RHOXF1: variants seen among roughly 807,000 people sequenced by gnomAD.
The protein encoded by RHOXF1 is PEPP subfamily gene 1.
In RHOXF1, 1 loss-of-function variant was observed where a neutral mutation model predicts 9.7. That is an observed-to-expected ratio of 0.10 (90% CI 0.04 to 0.49). The LOEUF (loss-of-function observed/expected upper bound fraction) is 0.49. Ranked by LOEUF, RHOXF1 falls within the 20% of genes least tolerant of loss-of-function variation. The pLI, the probability that RHOXF1 is intolerant of heterozygous loss-of-function variation, is 0.95. For missense variants in RHOXF1, 179 were observed against 168.0 expected, an observed-to-expected ratio of 1.07 and a Z score of -0.36; for synonymous variants, 72 against 70.2, an observed-to-expected ratio of 1.03 and a Z score of -0.13.
At position 120,109,301 on chromosome X, in the gene RHOXF1, A is replaced by G; in HGVS notation, c.446T>C (p.Val149Ala). Residue 149 changes from valine (V) to alanine (A), a missense_variant and splice_region_variant, in exon 3 of 3, where the codon GTT becomes GCT. Val to Ala is a moderately conservative substitution (Grantham distance 64, BLOSUM62 0). Transcript: ENST00000217999. ...NLGVTEDKVR[V>A]WFKNKRARCR... ...TCTGGCCCTTTTATTCTTAAACCAA[A>G]CCTACAATCAGAGGGAAAAGGGGAT... 1 of 1,121,507 alleles carries G rather than the reference A, an allele frequency of 8.9e-7. No homozygotes were observed. The highest frequency in any genetic ancestry group is 1.2e-6 in the Non-Finnish European group (1 of 817,790). 92.4% of individuals were successfully genotyped at this position (1,121,507 alleles called of 1,213,427 possible).
At chrX:120,111,483 T>C (rs990874973) in intron 2 of RHOXF1, among the ~76,000 whole-genome samples, 16 of 112,321 alleles carry the variant, frequency 1.4e-4, no homozygotes, top group African/African-American at 5.2e-4. Flanking sequence ...TTTTCTTTTT[T>C]GGGAAAACAT....
At chrX:120,114,507 G>A (rs1335828320) in intron 1 of RHOXF1, among the ~76,000 whole-genome samples, 1 of 111,093 alleles carries the variant, frequency 9.0e-6, no homozygotes, top group African/African-American at 3.3e-5. Flanking sequence ...TAGAATGGAA[G>A]GAAATATTTG....
At chrX:120,120,375 T>A (rs781937955), upstream of RHOXF1, 28 of 111,930 alleles carry the variant, frequency 2.5e-4, no homozygotes, top group Non-Finnish European at 5.1e-4. Flanking sequence ...GGATGCAATG[T>A]GCCACTGTCG....
upstream of RHOXF1, among the ~76,000 whole-genome samples, chrX:120,116,978 G>T (rs1556000748): frequency 8.9e-6 from 1 of 111,759 alleles, no homozygotes; most frequent in Non-Finnish European, 1.9e-5. Flanking sequence ...CCAATCTTGG[G>T]ATGGAGATTT....
At chrX:120,112,848 T>C in intron 2 of RHOXF1, 21 bp downstream of exon 2, 1 of 1,162,605 alleles carries the variant, frequency 8.6e-7, no homozygotes, top group Non-Finnish European at 1.2e-6. Context: ...CCTCTCAAAT[T>C]GCTTTTTCAA....
chrX:120,116,323 G>A (rs1379521749), upstream of RHOXF1: 1 of 98,278 alleles, frequency 1.0e-5, no homozygotes, highest in Non-Finnish European at 2.1e-5. Context: ...GGTCGTGGGT[G>A]GGGGTGGCAG....
upstream of RHOXF1, chrX:120,119,470 T>C (rs1243103969): frequency 2.7e-5 from 3 of 111,861 alleles, no homozygotes; most frequent in African/African-American, 9.8e-5. Flanking sequence ...AAAAATTAAA[T>C]TATATTTAAA....
chrX:120,112,707 G>A (rs1263756715), intron 2 of RHOXF1, among the ~76,000 whole-genome samples, 162 bp downstream of exon 2: 13 of 110,205 alleles, frequency 1.2e-4, no homozygotes, highest in African/African-American at 4.0e-4. Flanking sequence ...CTTTTCTACC[G>A]ACAAGGAACC....
In RHOXF1 at chrX:120,109,315, G is replaced by A. The variant is rs1230380346; in HGVS notation, c.445-13C>T. 9.6e-7 allele frequency: 1 copy of A among 1,036,529 alleles called. No homozygotes were observed. The highest frequency in any genetic ancestry group is 1.3e-6 in the Non-Finnish European group (1 of 741,302). The allele number at this position is 1,036,529 out of a possible 1,213,427, so 85.4% of individuals were successfully genotyped here. On this transcript the variant is annotated splice_polypyrimidine_tract_variant and intron_variant, in intron 2 of 2. Transcript: ENST00000217999. ...TCTTAAACCAAACCTACAATCAGAG[G>A]GAAAAGGGGATTGGTTTAGTATATT...
chrX:120,116,976 G>A (rs1805865041), upstream of RHOXF1, among the ~76,000 whole-genome samples: 1 of 111,724 alleles, frequency 9.0e-6, no homozygotes, highest in Admixed American at 9.4e-5. Context: ...CTCCAATCTT[G>A]GGATGGAGAT....
Position 120,115,783 on chromosome X carries a change from A to G in RHOXF1, c.80T>C (p.Leu27Pro), listed in dbSNP as rs782412199. The G allele has an allele frequency of 2.2e-5, 26 of 1,203,716 alleles. No homozygotes were observed. The Admixed American group carries it at 4.4e-4, about 20-fold the overall frequency. ...YQVKISPTPQ[L>P]GAASSAEGHV... ...GCCTTCTGCGCTTGATGCTGCCCCCAGCTGAGGTGTGGGGCTTATTTTTAC... is the reference window on the plus strand; with the variant it reads ...GCCTTCTGCGCTTGATGCTGCCCCCGGCTGAGGTGTGGGGCTTATTTTTAC... The change falls in exon 1 of 3, where the codon CTG becomes CCG. Residue 27 changes from leucine (L) to proline (P), a missense_variant. Leu to Pro is a moderately conservative substitution (Grantham distance 98). Coordinates refer to ENST00000217999, the MANE Select transcript of RHOXF1 (RefSeq NM_139282.3).
chrX:120,109,355 G>T, intron 2 of RHOXF1, 53 bp from the exon 3 acceptor site: 1 of 747,475 alleles, frequency 1.3e-6, no homozygotes, highest in Non-Finnish European at 2.0e-6. Context: ...AGTTAATGTC[G>T]TAATAGAAAA....
Position 120,115,457 on chromosome X carries a change from C to G in RHOXF1, c.398+8G>C. On this transcript the variant is annotated splice_region_variant and intron_variant, in intron 1 of 2. Coordinates refer to ENST00000217999, the MANE Select transcript of RHOXF1 (RefSeq NM_139282.3). ...GAGATCTCGTGGCTCCTGGAGCAGGCCACTTACCTTGTGGGCACATCAGGG... is the reference window on the plus strand; with the variant it reads ...GAGATCTCGTGGCTCCTGGAGCAGGGCACTTACCTTGTGGGCACATCAGGG... 2.3e-5 allele frequency: 25 copies of G among 1,092,449 alleles called. No homozygotes were observed. The highest frequency in any genetic ancestry group is 2.9e-5 in the Non-Finnish European group (24 of 838,599). The allele number at this position is 1,092,449 out of a possible 1,213,427, so 90.0% of individuals were successfully genotyped here.
intron 2 of RHOXF1, among the ~76,000 whole-genome samples, chrX:120,111,792 T>C (rs1254991425): frequency 8.9e-6 from 1 of 112,222 alleles, no homozygotes; most frequent in African/African-American, 3.2e-5. Flanking sequence ...ATGCATAGTA[T>C]GTGCAAAGCC....
chrX:120,115,918 G>C, upstream of RHOXF1: 2 of 1,074,403 alleles, frequency 1.9e-6, no homozygotes, highest in Non-Finnish European at 2.4e-6. Context: ...TGGAGTGGGG[G>C]TTAGAGGGTG....
intron 1 of RHOXF1, 141 bp from the exon 2 acceptor site, chrX:120,113,055 T>G: frequency 2.5e-6 from 1 of 403,219 alleles, no homozygotes; most frequent in Non-Finnish European, 4.2e-6. Flanking sequence ...TTTTCTCTAA[T>G]TCCCAGCTCC....
At chrX:120,109,594 A>ATTTG (rs1555999520) in intron 2 of RHOXF1, among the ~76,000 whole-genome samples, 1 of 107,180 alleles carries the variant, frequency 9.3e-6, no homozygotes, top group Non-Finnish European at 1.9e-5. Flanking sequence ...TTATTTATTT[A>ATTTG]TTTATTTTTT....
rs2057286801 is a variant in RHOXF1, at chrX:120,114,927, A to T, written c.398+538T>A. Among the ~76,000 whole-genome samples, 3 of 112,248 alleles carry T rather than the reference A, an allele frequency of 2.7e-5. No homozygotes were observed. The Admixed American group carries it at 2.8e-4, about 11-fold the overall frequency. ...CTAATATATGCTGCGATATGGATGA[A>T]CCTTGAAGACCTTATGCTAAGTGAA... On this transcript the variant is annotated intron_variant, in intron 1 of 2. Coordinates refer to ENST00000217999, the MANE Select transcript of RHOXF1 (RefSeq NM_139282.3).
chrX:120,112,840 T>C (rs1556000032), intron 2 of RHOXF1, 29 bp downstream of exon 2: 3 of 1,138,515 alleles, frequency 2.6e-6, no homozygotes, highest in Non-Finnish European at 1.2e-6. Context: ...ATGGCTGTCC[T>C]CTCAAATTGC....
Sources: allele counts gnomAD v4.1 joint callset (sites outside exome capture counted in the v4.1 genomes callset), GRCh38; gene constraint gnomAD v4.1.1; transcripts MANE v1.5; gene names NCBI Gene and HGNC (gene_info 2026-07-23, HGNC 2026-07-21).